NEK1: variants seen among roughly 807,000 people sequenced by gnomAD.
NEK1 encodes the protein serine/threonine-protein kinase Nek1.
NEK1 carries 137 observed loss-of-function variants against 182.1 expected under a neutral mutation model. The observed-to-expected ratio is 0.75, with a 90% CI of 0.65 to 0.87. NEK1 has a LOEUF of 0.87. NEK1 is among the 40% of genes least tolerant of loss of function. NEK1 has a pLI of 0.00. For missense variants in NEK1, 1,391 were observed against 1,494.4 expected, an observed-to-expected ratio of 0.93 and a Z score of 1.14; for synonymous variants, 513 against 492.2, an observed-to-expected ratio of 1.04 and a Z score of -0.56.
intron 33 of NEK1, among the ~76,000 whole-genome samples, chr4:169,401,184 A>T (rs1173251404): frequency 6.6e-6 from 1 of 152,198 alleles, no homozygotes; most frequent in Admixed American, 6.5e-5. Flanking sequence ...TCCTAAATTA[A>T]TATCATATAG....
chr4:169,401,969 A>G (rs2111034203), intron 32 of NEK1, 109 bp from the exon 33 acceptor site: 2 of 825,452 alleles, frequency 2.4e-6, no homozygotes, highest in East Asian at 5.4e-5. Flanking sequence ...ATACGTAGGC[A>G]CTTCTTAAAA....
intron 10 of NEK1, among the ~76,000 whole-genome samples, chr4:169,581,642 A>C (rs997918638): frequency 6.6e-6 from 1 of 152,192 alleles, no homozygotes; most frequent in Non-Finnish European, 1.5e-5. Flanking sequence ...TAATGTAATG[A>C]ACAAGGTAGG....
chr4:169,570,708 T>C (rs1281148684), intron 12 of NEK1, among the ~76,000 whole-genome samples: 1 of 152,098 alleles, frequency 6.6e-6, no homozygotes, highest in Non-Finnish European at 1.5e-5. Context: ...CCAGCTATGA[T>C]GACAGTGGCG....
chr4:169,477,115 T>G lies in NEK1; in HGVS notation c.2434+9A>C. 1 of 1,553,008 alleles carries G rather than the reference T, an allele frequency of 6.4e-7. No homozygotes were observed. Among genetic ancestry groups the G allele is most frequent in the Non-Finnish European group, 8.8e-7 (1 of 1,138,174 alleles). ...CCTAAATAGGATATTAATATACTAC[T>G]ATACATACTTTCAGTTGTAGAGAAG... On this transcript the variant is annotated intron_variant, in intron 26 of 35. Transcript: ENST00000507142.
At chr4:169,483,681 A>G (rs955029243) in intron 23 of NEK1, among the ~76,000 whole-genome samples, 4 of 152,066 alleles carry the variant, frequency 2.6e-5, no homozygotes, top group Admixed American at 2.6e-4. Context: ...TCTGGCCATC[A>G]TGGTGAAACC....
At chr4:169,555,341 T>C in intron 18 of NEK1, 1 of 219,730 alleles carries the variant, frequency 4.6e-6, no homozygotes. Flanking sequence ...TTTGAAGTGA[T>C]GAAGAAAAGG....
chr4:169,546,989 G>T (rs1206664798), intron 18 of NEK1, among the ~76,000 whole-genome samples: 1 of 152,166 alleles, frequency 6.6e-6, no homozygotes, highest in Non-Finnish European at 1.5e-5. Context: ...GGCTAATATT[G>T]TTATGTGTGA....
chr4:169,556,902 T>C (rs1036923124), intron 16 of NEK1, among the ~76,000 whole-genome samples: 1 of 151,630 alleles, frequency 6.6e-6, no homozygotes, highest in Non-Finnish European at 1.5e-5. Context: ...GTATGGAAGG[T>C]GGAAGAGGAA....
intron 27 of NEK1, among the ~76,000 whole-genome samples, chr4:169,446,735 A>G (rs1740640637): frequency 2.6e-5 from 4 of 152,224 alleles, no homozygotes; most frequent in Admixed American, 2.0e-4. Flanking sequence ...AATCAAGCAG[A>G]AATTCTGGAG....
intron 27 of NEK1, among the ~76,000 whole-genome samples, chr4:169,451,314 C>A (rs56745507): frequency 1.3e-5 from 2 of 152,096 alleles, no homozygotes; most frequent in Non-Finnish European, 2.9e-5. Flanking sequence ...ACTCTCCACC[C>A]CAAATCAACA....
chr4:169,561,970 T>C (rs2149946911), intron 13 of NEK1, 79 bp from the exon 14 acceptor site: 2 of 1,236,278 alleles, frequency 1.6e-6, no homozygotes, highest in East Asian at 4.8e-5. Context: ...AGTACACCAA[T>C]GGCAGAGGTA....
intron 32 of NEK1, among the ~76,000 whole-genome samples, chr4:169,405,480 TC>T (rs561426990): frequency 6.0e-4 from 91 of 152,330 alleles, no homozygotes; most frequent in African/African-American, 2.1e-3. Context: ...ACTAAATTTA[TC>T]AATTTATTTT....
intron 23 of NEK1, among the ~76,000 whole-genome samples, chr4:169,480,144 C>A (rs1747712238): frequency 6.6e-6 from 1 of 152,126 alleles, no homozygotes; most frequent in South Asian, 2.1e-4. Context: ...AGTAACACAG[C>A]AGGAAGTTTA....
intron 19 of NEK1, among the ~76,000 whole-genome samples, chr4:169,533,598 T>C (rs1239611705): frequency 2.0e-5 from 3 of 152,198 alleles, no homozygotes; most frequent in Middle Eastern, 3.2e-3. Context: ...TTAGAATTCA[T>C]GGACATGAAA....
chr4:169,499,096 G>A (rs933171899), intron 23 of NEK1, among the ~76,000 whole-genome samples: 7 of 152,160 alleles, frequency 4.6e-5, no homozygotes, highest in African/African-American at 1.7e-4. Flanking sequence ...TGGAGGCTTT[G>A]TTTGTTTCTT....
At chr4:169,585,289 G>T in intron 10 of NEK1, 60 bp downstream of exon 10, 1 of 1,237,682 alleles carries the variant, frequency 8.1e-7, no homozygotes, top group Non-Finnish European at 1.2e-6. Flanking sequence ...AACACTGGAG[G>T]CCATGTCTTA....
chr4:169,482,090 C>T (rs953584464), intron 23 of NEK1, among the ~76,000 whole-genome samples: 2 of 152,200 alleles, frequency 1.3e-5, no homozygotes, highest in African/African-American at 2.4e-5. Context: ...TTCCTTAAAC[C>T]TTATGAACCA....
chr4:169,460,071 G>A (rs947559904), intron 27 of NEK1, among the ~76,000 whole-genome samples: 3 of 152,066 alleles, frequency 2.0e-5, no homozygotes, highest in Non-Finnish European at 2.9e-5. Context: ...TAAAACAAAC[G>A]TACCTCTCTG....
chr4:169,500,412 C>G (rs1490222725), intron 23 of NEK1, among the ~76,000 whole-genome samples: 2 of 152,232 alleles, frequency 1.3e-5, no homozygotes, highest in Non-Finnish European at 1.5e-5. Flanking sequence ...CTGTCCTGCA[C>G]CCACTGTCTG....
Sources: gnomAD v4.1 joint callset for allele counts (sites outside exome capture counted in the v4.1 genomes callset) on GRCh38, gnomAD v4.1.1 for gene constraint, MANE v1.5 for transcripts, NCBI Gene and HGNC (gene_info 2026-07-23, HGNC 2026-07-21) for gene names.